The following AKAP10 variants were observed in gnomAD, a reference collection of about 807,000 sequenced individuals.
AKAP10 encodes the protein A-kinase anchor protein 10, mitochondrial.
A neutral mutation model predicts 80.8 loss-of-function variants in AKAP10; 24 were observed. The ratio of observed to expected loss-of-function variants is 0.30; its 90% CI spans 0.22 to 0.42. The LOEUF is 0.42. Ranked by LOEUF, AKAP10 falls within the 10% of genes least tolerant of loss-of-function variation. The pLI is 1.00. For missense variants in AKAP10, 661 were observed against 794.9 expected (o/e 0.83, Z 2.03); for synonymous variants, 291 against 277.7 (o/e 1.05, Z -0.48).
At chr17:19,908,867 C>T (rs1420577478) in intron 14 of AKAP10, among the ~76,000 whole-genome samples, 5 of 151,962 alleles carry the variant, frequency 3.3e-5, no homozygotes, top group African/African-American at 7.3e-5. Flanking sequence ...GTGATTCACC[C>T]GCCTTGGCCT....
intron 13 of AKAP10, among the ~76,000 whole-genome samples, chr17:19,909,522 A>G (rs1443169070): frequency 6.6e-6 from 1 of 152,226 alleles, no homozygotes; most frequent in South Asian, 2.1e-4. Flanking sequence ...GATGGTCAAA[A>G]TAAAACATTT....
At chr17:19,931,707 AC>A in intron 10 of AKAP10, 97 bp downstream of exon 10, 1 of 1,390,326 alleles carries the variant, frequency 7.2e-7, no homozygotes, top group African/African-American at 1.5e-5. Context: ...TTTTTTTTCC[AC>A]AACTTAAAAT....
rs748358262 is a variant in AKAP10, at chr17:19,958,231, T to C, written c.660A>G (p.Ser220=). 1.2e-6 allele frequency: 2 copies of C among 1,614,208 alleles called. No individual in the cohort carries two copies. The highest frequency in any genetic ancestry group is 2.2e-5 in the South Asian group (2 of 91,082). ...SGSAQLFMTH[S]EGIDLNNRTN... Reference sequence around the variant, plus strand: ...TTCTATTATTCAGGTCAATTCCTTCTGAATGAGTCATAAACAACTGTGCTG... The same window carrying C: ...TTCTATTATTCAGGTCAATTCCTTCCGAATGAGTCATAAACAACTGTGCTG... Residue 220 remains serine, a synonymous_variant, in exon 4 of 15, where the codon TCA becomes TCG. Coordinates refer to ENST00000225737, the MANE Select transcript of AKAP10 (RefSeq NM_007202.4).
chr17:19,970,461 A>G (rs926744025), intron 1 of AKAP10, among the ~76,000 whole-genome samples: 7 of 152,348 alleles, frequency 4.6e-5, no homozygotes, highest in Admixed American at 2.6e-4. Flanking sequence ...AGTATTATAC[A>G]TAGACTTTAG....
chr17:19,909,512 G>A (rs2042667273), intron 13 of AKAP10, among the ~76,000 whole-genome samples: 1 of 152,156 alleles, frequency 6.6e-6, no homozygotes, highest in South Asian at 2.1e-4. Context: ...TTTCATATTA[G>A]ATGGTCAAAA....
chr17:19,970,822 TA>T (rs911081865), intron 1 of AKAP10, among the ~76,000 whole-genome samples: 211 of 147,926 alleles, frequency 1.4e-3, no homozygotes, highest in Admixed American at 2.4e-3. Context: ...GACTCTGTCT[TA>T]AAAAAAAAAA....
intron 7 of AKAP10, 78 bp downstream of exon 7, chr17:19,940,809 C>G: frequency 6.9e-7 from 1 of 1,459,564 alleles, no homozygotes; most frequent in Non-Finnish European, 9.1e-7. Context: ...TGTGTTATTT[C>G]CTATAGACAG....
rs185857163 is a variant in AKAP10, at chr17:19,907,687, G to A, written c.1984-1455C>T. 8.5e-5 allele frequency among the ~76,000 whole-genome samples: 13 copies of A among 152,106 alleles called. No homozygotes were observed. In the East Asian group the frequency reaches 2.3e-3, roughly 27 times the overall value. On this transcript the variant is annotated intron_variant, in intron 14 of 14. Transcript: ENST00000225737. ...CCCAAAGTGCTGGGATTACAGGCAT[G>A]AGCCACTGCACCTGGCCACTTGAAC... is the stretch of plus-strand genomic sequence containing the variant.
chr17:19,963,015 T>C lies in AKAP10; in HGVS notation c.144A>G (p.Ile48Met), dbSNP rs766743984. 6.2e-7 allele frequency: 1 copy of C among 1,601,670 alleles called. No homozygotes were observed. Among genetic ancestry groups the C allele is most frequent in the South Asian group, 1.1e-5 (1 of 90,024 alleles). ...TGCTTTTTTGTGGGGAATGTACGGA[T>C]ATTGAAGCTATAATTTTTCAAAAAA... ...TSDVKSIKAS[I>M]SVHSPQKSTK... Residue 48 changes from isoleucine to methionine, a missense_variant, in exon 3 of 15, where the codon ATA becomes ATG. By Grantham distance (10) the Ile-to-Met change is conservative. Transcript: ENST00000225737.
At chr17:19,968,373 A>G (rs761605102) in intron 2 of AKAP10, 41 bp downstream of exon 2, 1 of 1,543,446 alleles carries the variant, frequency 6.5e-7, no homozygotes, top group Admixed American at 1.7e-5. Flanking sequence ...TGCAAAGCAC[A>G]TCACTTTTTA....
At chr17:19,944,556 G>A (rs1046046480) in intron 5 of AKAP10, among the ~76,000 whole-genome samples, 1 of 152,188 alleles carries the variant, frequency 6.6e-6, no homozygotes, top group Non-Finnish European at 1.5e-5. Context: ...TTGGGAGGCT[G>A]AGGCAGGGGA....
intron 11 of AKAP10, among the ~76,000 whole-genome samples, chr17:19,922,895 G>A (rs991248868): frequency 1.3e-5 from 2 of 152,074 alleles, no homozygotes; most frequent in African/African-American, 4.8e-5. Context: ...GCGAGACTCC[G>A]TCTCAAAAAA....
chr17:19,946,968 C>T (rs950302698), intron 5 of AKAP10, among the ~76,000 whole-genome samples: 1 of 152,168 alleles, frequency 6.6e-6, no homozygotes, highest in African/African-American at 2.4e-5. Flanking sequence ...TCCAGTTGCC[C>T]ACTGGTCGTG....
chr17:19,943,428 T>C (rs2043070504), intron 5 of AKAP10, among the ~76,000 whole-genome samples: 1 of 152,168 alleles, frequency 6.6e-6, no homozygotes, highest in South Asian at 2.1e-4. Context: ...CATGCCTATA[T>C]AATGAAGTCT....
rs2042614202 is a variant in AKAP10, at chr17:19,904,631, T to G, written c.*1596A>C. ...AAACCTTGGGTTTATGCCATACACT[T>G]CAAACACAAGGCAAAGTCCAGTAGT... On this transcript the variant is annotated 3_prime_UTR_variant, in exon 15 of 15. Transcript: ENST00000225737. The G allele has an allele frequency of 6.6e-6, 1 of 152,202 alleles. No individual in the cohort carries two copies. The highest frequency in any genetic ancestry group is 1.5e-5 in the Non-Finnish European group (1 of 68,044). The allele number at this position is 152,202 out of a possible 1,614,324, so 9.4% of individuals were successfully genotyped here.
At position 19,911,612 on chromosome 17, in the gene AKAP10, G is replaced by A. The variant is rs540204102; in HGVS notation, c.1835-1634C>T. Among the ~76,000 whole-genome samples the A allele has an allele frequency of 1.9e-4, 29 of 152,042 alleles. No homozygotes were observed. The East Asian group carries it at 4.9e-3, about 25-fold the overall frequency. ...TCAGAACTTTGGGTGGCTGAGGCGG[G>A]AGGATCACCTGAGGTCAGGAGTTCG... On this transcript the variant is annotated intron_variant, in intron 12 of 14. Coordinates refer to ENST00000225737, the MANE Select transcript of AKAP10 (RefSeq NM_007202.4).
intron 3 of AKAP10, among the ~76,000 whole-genome samples, chr17:19,959,636 C>T (rs1283474287): frequency 6.6e-6 from 1 of 151,972 alleles, no homozygotes. Context: ...AAATTATAAC[C>T]ACAAGCTAAT....
At chr17:19,946,166 A>ATATACT (rs200902494) in intron 5 of AKAP10, among the ~76,000 whole-genome samples, 1 of 104,092 alleles carries the variant, frequency 9.6e-6, no homozygotes. Flanking sequence ...ACTAATATAT[A>ATATACT]ATATATACTA....
chr17:19,961,925 A>C (rs1174631717), intron 3 of AKAP10, among the ~76,000 whole-genome samples: 1 of 151,990 alleles, frequency 6.6e-6, no homozygotes, highest in Non-Finnish European at 1.5e-5. Context: ...AGACCAGCTT[A>C]GGCAACATAG....
Sources: allele counts gnomAD v4.1 joint callset (sites outside exome capture counted in the v4.1 genomes callset), GRCh38; gene constraint gnomAD v4.1.1; transcripts MANE v1.5; gene names NCBI Gene and HGNC (gene_info 2026-07-23, HGNC 2026-07-21).